CTNNA2: variants seen among roughly 807,000 people sequenced by gnomAD.
The protein encoded by CTNNA2 is catenin alpha-2.
A neutral mutation model predicts 101.0 loss-of-function variants in CTNNA2; 42 were observed. That is an observed-to-expected ratio of 0.42 (90% CI 0.32 to 0.54). The LOEUF is 0.54. CTNNA2 is among the 20% of genes least tolerant of loss of function. The pLI is 0.14. For missense variants in CTNNA2, 871 were observed against 1,223.1 expected, an observed-to-expected ratio of 0.71 and a Z score of 4.29; for synonymous variants, 450 against 456.4, an observed-to-expected ratio of 0.99 and a Z score of 0.18.
At chr2:79,398,543 G>A (rs554780392) in intron 4 of CTNNA2, among the ~76,000 whole-genome samples, 1 of 151,952 alleles carries the variant, frequency 6.6e-6, no homozygotes, top group East Asian at 1.9e-4. Flanking sequence ...CAATAAACAG[G>A]GTATCACAGC....
intron 7 of CTNNA2, chr2:80,027,972 CAAAAAAAAAAAAAAA>C (rs1177032489): frequency 3.0e-4 from 6 of 19,822 alleles, no homozygotes; most frequent in East Asian, 1.6e-3. Flanking sequence ...GACCCTGTCT[CAAAAAAAAAAAAAAA>C]AAAAAAAAAA....
intron 3 of CTNNA2, among the ~76,000 whole-genome samples, chr2:79,813,001 A>G (rs1195192216): frequency 1.3e-5 from 2 of 152,172 alleles, no homozygotes; most frequent in African/African-American, 2.4e-5. Flanking sequence ...GTGAGTTTAC[A>G]CCTTGTTACC....
chr2:80,393,702 C>G (rs973990232), intron 8 of CTNNA2, among the ~76,000 whole-genome samples: 1 of 152,168 alleles, frequency 6.6e-6, no homozygotes, highest in Non-Finnish European at 1.5e-5. Context: ...AACTCTTAAT[C>G]TGATGGGTTA....
intron 1 of CTNNA2, among the ~76,000 whole-genome samples, chr2:79,522,170 A>C (rs994372498): frequency 6.6e-6 from 1 of 152,134 alleles, no homozygotes; most frequent in African/African-American, 2.4e-5. Flanking sequence ...TAGGAGCCGC[A>C]CCTTCCATTT....
At chr2:79,453,588 C>G (rs115940866) in intron 4 of CTNNA2, among the ~76,000 whole-genome samples, 212 of 152,192 alleles carry the variant, frequency 1.4e-3, no homozygotes, top group African/African-American at 4.7e-3. Context: ...GGTTGGCTCT[C>G]CATAAGTGGT....
chr2:79,943,915 TGTTA>T (rs889616014), intron 7 of CTNNA2, among the ~76,000 whole-genome samples: 67 of 152,314 alleles, frequency 4.4e-4, no homozygotes, highest in African/African-American at 1.5e-3. Context: ...AATCATAATG[TGTTA>T]GTTCTAGTAT....
At chr2:79,534,248 CAT>C (rs1194257527) in intron 1 of CTNNA2, among the ~76,000 whole-genome samples, 1 of 152,032 alleles carries the variant, frequency 6.6e-6, no homozygotes, top group East Asian at 1.9e-4. Flanking sequence ...CATTTTATTA[CAT>C]GTTTAAACAT....
chr2:79,261,142 A>G (rs564841452), intron 2 of CTNNA2, among the ~76,000 whole-genome samples: 1 of 152,270 alleles, frequency 6.6e-6, no homozygotes, highest in Admixed American at 6.5e-5. Flanking sequence ...AGAAGCTACC[A>G]AAGAAGAAGC....
At chr2:80,587,429 C>T (rs1395028338) in intron 14 of CTNNA2, among the ~76,000 whole-genome samples, 1 of 152,146 alleles carries the variant, frequency 6.6e-6, no homozygotes, top group South Asian at 2.1e-4. Flanking sequence ...TAATTCTATA[C>T]ATGCTTACTT....
chr2:79,481,701 A>G (rs1558677961), intron 4 of CTNNA2, among the ~76,000 whole-genome samples: 1 of 152,156 alleles, frequency 6.6e-6, no homozygotes, highest in Non-Finnish European at 1.5e-5. Context: ...ATAAATCCAA[A>G]CTCATCAAGT....
intron 7 of CTNNA2, among the ~76,000 whole-genome samples, chr2:80,088,418 C>A (rs999065061): frequency 3.9e-5 from 6 of 152,004 alleles, no homozygotes; most frequent in Non-Finnish European, 8.8e-5. Context: ...ACCAGGCCAC[C>A]TTTTAGCCTA....
chr2:79,463,268 T>C (rs2104537513), intron 4 of CTNNA2, among the ~76,000 whole-genome samples: 1 of 151,586 alleles, frequency 6.6e-6, no homozygotes, highest in African/African-American at 2.4e-5. Flanking sequence ...ATTAGCCAGG[T>C]GTGATGATGT....
intron 7 of CTNNA2, among the ~76,000 whole-genome samples, chr2:79,995,116 G>A (rs1014488675): frequency 9.9e-5 from 15 of 152,168 alleles, no homozygotes; most frequent in Non-Finnish European, 1.5e-4. Flanking sequence ...GCCTTAAATG[G>A]CATCTGGAGG....
At chr2:79,604,550 T>A (rs536940248) in intron 1 of CTNNA2, among the ~76,000 whole-genome samples, 1 of 152,282 alleles carries the variant, frequency 6.6e-6, no homozygotes, top group Non-Finnish European at 1.5e-5. Flanking sequence ...GAGAGGGCTG[T>A]ACAGAGAGAG....
chr2:79,948,790 A>G (rs139915109), intron 7 of CTNNA2, among the ~76,000 whole-genome samples: 98 of 152,166 alleles, frequency 6.4e-4, no homozygotes, highest in African/African-American at 1.5e-3. Flanking sequence ...AACACGGGGA[A>G]ACCCCGTCTC....
chr2:79,634,130 C>G (rs142153619), intron 1 of CTNNA2, among the ~76,000 whole-genome samples: 59 of 152,274 alleles, frequency 3.9e-4, no homozygotes, highest in African/African-American at 1.4e-3. Context: ...ATTTTGGTGG[C>G]TGAGAGGTAC....
chr2:79,192,678 A>G (rs1673890467), intron 1 of CTNNA2, among the ~76,000 whole-genome samples: 1 of 152,154 alleles, frequency 6.6e-6, no homozygotes, highest in East Asian at 1.9e-4. Flanking sequence ...TCTGAAATAA[A>G]TAATATTTTT....
At chr2:79,483,874 GTGTACAAA>G (rs1303657997) in intron 4 of CTNNA2, among the ~76,000 whole-genome samples, 7 of 152,174 alleles carry the variant, frequency 4.6e-5, no homozygotes, top group African/African-American at 1.7e-4. Context: ...ATAAACATGT[GTGTACAAA>G]TGTCTTTTTC....
At chr2:80,171,652 C>G (rs1440942020) in intron 7 of CTNNA2, among the ~76,000 whole-genome samples, 2 of 152,052 alleles carry the variant, frequency 1.3e-5, no homozygotes, top group African/African-American at 2.4e-5. Flanking sequence ...GTTGCTGATT[C>G]CCAGGTTGTT....
Sources: allele counts gnomAD v4.1 joint callset (sites outside exome capture counted in the v4.1 genomes callset), GRCh38; gene constraint gnomAD v4.1.1; transcripts MANE v1.5; gene names NCBI Gene and HGNC (gene_info 2026-07-23, HGNC 2026-07-21).